LRRC42: variants seen among roughly 807,000 people sequenced by gnomAD.
LRRC42 encodes the protein leucine-rich repeat-containing protein 42.
In LRRC42, 43 loss-of-function variants were observed where a neutral mutation model predicts 44.3. The observed-to-expected ratio is 0.97, with a 90% CI of 0.76 to 1.25. LRRC42 has a LOEUF of 1.25. Among genes scored for constraint, LRRC42 ranks in the 50% most tolerant of loss-of-function variants. LRRC42 has a pLI of 0.00. For missense variants in LRRC42, 540 were observed against 509.1 expected, an observed-to-expected ratio of 1.06 and a Z score of -0.58; for synonymous variants, 207 against 195.2, an observed-to-expected ratio of 1.06 and a Z score of -0.50.
intron 4 of LRRC42, among the ~76,000 whole-genome samples, chr1:53,958,795 A>T (rs1452214517): frequency 6.6e-6 from 1 of 152,144 alleles, no homozygotes; most frequent in Non-Finnish European, 1.5e-5. Flanking sequence ...CGTGTTGGTC[A>T]GGCTGGTCTC....
chr1:53,952,293 C>G lies in LRRC42; in HGVS notation c.294C>G (p.Ser98=), dbSNP rs774425058. 1.2e-6 allele frequency: 2 copies of G among 1,614,200 alleles called. No homozygotes were observed. The highest frequency in any genetic ancestry group is 8.5e-7 in the Non-Finnish European group (1 of 1,180,012). Residue 98 remains serine, a synonymous_variant, in exon 3 of 9, where the codon TCC becomes TCG. Coordinates refer to ENST00000371370, the MANE Select transcript of LRRC42 (RefSeq NM_001256409.2). ...TCAGCCTTGTCCTGGGTTTCATCTC[C>G]GACAATGTGGATCACATTGATTCCC... is the stretch of plus-strand genomic sequence containing the variant. The part of the protein sequence containing the change: ...SLFSLVLGFI[S]DNVDHIDSLI...
rs1654700895 is a variant in LRRC42 at position 53,952,074 on chromosome 1, C to T, written c.75C>T (p.His25=). 6.2e-7 allele frequency: 1 copy of T among 1,614,220 alleles called. No homozygotes were observed. Among genetic ancestry groups the T allele is most frequent in the Non-Finnish European group, 8.5e-7 (1 of 1,180,026 alleles). The change falls in exon 3 of 9, where the codon CAC becomes CAT. Residue 25 remains histidine, a synonymous_variant. Transcript: ENST00000371370. ...PIYMRENGQL[H]MVNLALDGVR... ...ACATGCGAGAAAATGGGCAGCTGCACATGGTCAATCTGGCTCTGGATGGTG... is the reference window on the plus strand; with the variant it reads ...ACATGCGAGAAAATGGGCAGCTGCATATGGTCAATCTGGCTCTGGATGGTG...
chr1:53,950,432 G>T (rs562660811), intron 2 of LRRC42, among the ~76,000 whole-genome samples: 1 of 152,312 alleles, frequency 6.6e-6, no homozygotes, highest in East Asian at 1.9e-4. Flanking sequence ...GAGAAACATG[G>T]ATAGTACTGA....
At chr1:53,953,658 C>A (rs1167562024) in intron 3 of LRRC42, among the ~76,000 whole-genome samples, 1 of 152,024 alleles carries the variant, frequency 6.6e-6, no homozygotes, top group Non-Finnish European at 1.5e-5. Context: ...CACGCCTGGC[C>A]TACTTGTAGG....
chr1:53,964,627 A>G (rs1385658864), intron 7 of LRRC42, among the ~76,000 whole-genome samples: 2 of 152,164 alleles, frequency 1.3e-5, no homozygotes, highest in Non-Finnish European at 2.9e-5. Flanking sequence ...CATTTTTATA[A>G]CCAGAAAATT....
chr1:53,951,569 C>T (rs1289144442), intron 2 of LRRC42, among the ~76,000 whole-genome samples: 1 of 152,204 alleles, frequency 6.6e-6, no homozygotes, highest in Non-Finnish European at 1.5e-5. Context: ...GAACTACAGG[C>T]ACGCACTACC....
chr1:53,956,039 TAAAGGCA>T (rs1654828658), intron 3 of LRRC42, among the ~76,000 whole-genome samples: 1 of 152,220 alleles, frequency 6.6e-6, no homozygotes, highest in Non-Finnish European at 1.5e-5. Context: ...TTTGAATCCT[TAAAGGCA>T]AATAGAGGGC....
chr1:53,958,174 G>C lies in LRRC42; in HGVS notation c.499G>C (p.Glu167Gln). ...GTATCTCGTGATTTCAGAAAAGCTTGAGGAGATTAAGTCTTTCCGGGAGCT... is the reference window on the plus strand; with the variant it reads ...GTATCTCGTGATTTCAGAAAAGCTTCAGGAGATTAAGTCTTTCCGGGAGCT... ...NRYLVISEKL[E>Q]EIKSFRELTC... Residue 167 changes from glutamate to glutamine, a missense_variant, in exon 4 of 9, where the codon GAG (glutamate) becomes CAG (glutamine). Glu to Gln is a conservative substitution (Grantham distance 29). Transcript: ENST00000371370. 2 of 1,613,924 alleles carry C rather than the reference G, an allele frequency of 1.2e-6. No individual in the cohort carries two copies. The highest frequency in any genetic ancestry group is 2.2e-5 in the South Asian group (2 of 91,080).
chr1:53,960,208 C>A, intron 4 of LRRC42, 148 bp from the exon 5 acceptor site: 1 of 594,548 alleles, frequency 1.7e-6, no homozygotes, highest in Non-Finnish European at 2.9e-6. Flanking sequence ...CCCAAAAGAG[C>A]TTAACTTTGT....
intron 7 of LRRC42, among the ~76,000 whole-genome samples, chr1:53,962,959 G>A (rs938579463): frequency 6.6e-6 from 1 of 152,134 alleles, no homozygotes; most frequent in Non-Finnish European, 1.5e-5. Flanking sequence ...ACTTGGTAGA[G>A]TACAGACTTA....
intron 2 of LRRC42, among the ~76,000 whole-genome samples, chr1:53,950,769 G>A (rs1654653437): frequency 6.6e-6 from 1 of 152,080 alleles, no homozygotes; most frequent in Admixed American, 6.5e-5. Context: ...TTAGTTCTTG[G>A]GCATATATTA....
At chr1:53,963,010 A>G (rs1029805547) in intron 7 of LRRC42, among the ~76,000 whole-genome samples, 2 of 152,110 alleles carry the variant, frequency 1.3e-5, no homozygotes, top group African/African-American at 4.8e-5. Context: ...GAAGTGTGAA[A>G]GTAACCAAGT....
chr1:53,966,210 G>A, intron 7 of LRRC42, 86 bp from the exon 8 acceptor site: 1 of 1,072,176 alleles, frequency 9.3e-7, no homozygotes, highest in East Asian at 2.4e-5. Context: ...TGTGTTTATG[G>A]AGAGGGAAAA....
At chr1:53,952,561 C>T in intron 3 of LRRC42, 89 bp downstream of exon 3, 1 of 1,012,900 alleles carries the variant, frequency 9.9e-7, no homozygotes, top group Non-Finnish European at 1.4e-6. Flanking sequence ...GGGCTTCCCT[C>T]ATCAAATAGC....
At chr1:53,959,396 C>G (rs189904218) in intron 4 of LRRC42, among the ~76,000 whole-genome samples, 7 of 152,198 alleles carry the variant, frequency 4.6e-5, no homozygotes, top group Non-Finnish European at 1.0e-4. Flanking sequence ...ATGGATCCCT[C>G]TGTGGTTTTA....
At position 53,957,739 on chromosome 1, in the gene LRRC42, C is replaced by T. The variant is rs189751717; in HGVS notation, c.474-410C>T. Among the ~76,000 whole-genome samples the T allele has an allele frequency of 5.5e-3, 831 of 152,246 alleles. 4 individuals are homozygous for T. Among genetic ancestry groups the T allele is most frequent in the Middle Eastern group, 0.02 (6 of 294 alleles). ...CTTGACCTTGCTCCAGTTTTCAAAT[C>T]ACTGGATGTTGAGCATTAGATTAAA... On this transcript the variant is annotated intron_variant, in intron 3 of 8. Coordinates refer to ENST00000371370, the MANE Select transcript of LRRC42 (RefSeq NM_001256409.2).
rs1048104239 is a variant in LRRC42, at chr1:53,952,839, T to C, written c.473+367T>C. Reference sequence around the variant, plus strand: ...TACCCAGAGTTTTTGGGCCTGTTTTTGGTTTTCAGACCACTAGATACTGAC... The same window carrying C: ...TACCCAGAGTTTTTGGGCCTGTTTTCGGTTTTCAGACCACTAGATACTGAC... On this transcript the variant is annotated intron_variant, in intron 3 of 8. Transcript: ENST00000371370. 3.3e-5 allele frequency among the ~76,000 whole-genome samples: 5 copies of C among 152,330 alleles called. No individual in the cohort carries two copies. In the South Asian group the frequency reaches 6.2e-4, roughly 19 times the overall value.
rs1259664928 is a variant in LRRC42, at chr1:53,958,205, G to T, written c.530G>T (p.Cys177Phe). 6.2e-7 allele frequency: 1 copy of T among 1,613,896 alleles called. No individual in the cohort carries two copies. Among genetic ancestry groups the T allele is most frequent in the East Asian group, 2.2e-5 (1 of 44,860 alleles). ...EEIKSFRELT[C>F]LDLSCCKLGD... ...ATTAAGTCTTTCCGGGAGCTGACCT[G>T]CCTGGATCTTTCCTGTTGCAAGCTT... The change falls in exon 4 of 9, where the codon TGC becomes TTC. Residue 177 changes from cysteine to phenylalanine, a missense_variant. Cys to Phe is a radical substitution (Grantham distance 205). Transcript: ENST00000371370.
chr1:53,961,369 G>A (rs188516330), intron 5 of LRRC42, among the ~76,000 whole-genome samples: 2 of 151,802 alleles, frequency 1.3e-5, no homozygotes, highest in East Asian at 1.9e-4. Flanking sequence ...CCAAGATTGC[G>A]TCACTCACTC....
Sources: allele counts gnomAD v4.1 joint callset (sites outside exome capture counted in the v4.1 genomes callset), GRCh38; gene constraint gnomAD v4.1.1; transcripts MANE v1.5; gene names NCBI Gene and HGNC (gene_info 2026-07-23, HGNC 2026-07-21).